The following RASGEF1C variants were observed in gnomAD, a reference collection of about 807,000 sequenced individuals.
RASGEF1C encodes the protein RasGEF domain family member 1C, also known as ras-GEF domain-containing family member 1C.
A neutral mutation model predicts 58.1 loss-of-function variants in RASGEF1C; 27 were observed. The ratio of observed to expected loss-of-function variants is 0.46; its 90% CI spans 0.34 to 0.64. The LOEUF is 0.64. RASGEF1C is among the 30% of genes least tolerant of loss of function. The probability of loss-of-function intolerance (pLI) is 0.01; values close to 1 mark genes in which losing one functional copy is unlikely to be tolerated. For missense variants in RASGEF1C, 502 were observed against 605.1 expected (o/e 0.83, Z 1.79); for synonymous variants, 243 against 246.3 (o/e 0.99, Z 0.13).
At chr5:180,116,506 A>C (rs1207890740) in intron 10 of RASGEF1C, among the ~76,000 whole-genome samples, 1 of 152,078 alleles carries the variant, frequency 6.6e-6, no homozygotes, top group Admixed American at 6.5e-5. Context: ...TTGTGGGCCT[A>C]GCCCAAGACC....
At chr5:180,203,256 C>A (rs1057458233) in intron 1 of RASGEF1C, among the ~76,000 whole-genome samples, 4 of 152,112 alleles carry the variant, frequency 2.6e-5, no homozygotes, top group Non-Finnish European at 5.9e-5. Flanking sequence ...GATTATGTTA[C>A]GTTGTTATAT....
At position 180,154,811 on chromosome 5, in the gene RASGEF1C, G is replaced by A. The variant is rs185469276; in HGVS notation, c.-6-16753C>T. On this transcript the variant is annotated intron_variant, in intron 1 of 13. Coordinates refer to ENST00000361132, the MANE Select transcript of RASGEF1C (RefSeq NM_175062.4). ...TTAGCCAGGATGGTCTCGATCTCCC[G>A]ACCTCGTGATCCACCCGCCTCAGCC... 4.6e-3 allele frequency among the ~76,000 whole-genome samples: 694 copies of A among 152,120 alleles called. 2 individuals are homozygous for A. The highest frequency in any genetic ancestry group is 0.01 in the Middle Eastern group (3 of 294).
At chr5:180,175,991 GA>G (rs1245409193) in intron 1 of RASGEF1C, among the ~76,000 whole-genome samples, 2 of 152,080 alleles carry the variant, frequency 1.3e-5, no homozygotes. Flanking sequence ...CCGTCTCGAA[GA>G]AAAAAGAAAG....
At chr5:180,204,684 A>G (rs1008718971) in intron 1 of RASGEF1C, among the ~76,000 whole-genome samples, 1 of 151,880 alleles carries the variant, frequency 6.6e-6, no homozygotes, top group Non-Finnish European at 1.5e-5. Flanking sequence ...TTCCCATCCT[A>G]AAGTCAGCAT....
intron 1 of RASGEF1C, among the ~76,000 whole-genome samples, chr5:180,169,873 G>A (rs966562641): frequency 8.5e-5 from 12 of 141,052 alleles, no homozygotes; most frequent in East Asian, 2.2e-4. Context: ...CTGCCTTCCC[G>A]CCCTGGGGCT....
At chr5:180,171,552 T>C (rs1767108523) in intron 1 of RASGEF1C, among the ~76,000 whole-genome samples, 1 of 152,034 alleles carries the variant, frequency 6.6e-6, no homozygotes, top group African/African-American at 2.4e-5. Flanking sequence ...TCCACAGCAC[T>C]CACACTCAGC....
rs1437485541 is a variant in RASGEF1C, at chr5:180,136,363, C to T, written c.438+15G>A. 15 of 1,550,482 alleles carry T rather than the reference C, an allele frequency of 9.7e-6. No individual in the cohort carries two copies. Among genetic ancestry groups the T allele is most frequent in the African/African-American group, 1.4e-5 (1 of 73,084 alleles). The stretch of plus-strand genomic sequence containing the variant: ...GAGGGACCCAGGGTGACGCGACCCC[C>T]GCCCAGCTGCCCACCTCGTCACAGG... On this transcript the variant is annotated intron_variant, in intron 4 of 13. Transcript: ENST00000361132.
In RASGEF1C at chr5:180,118,791, A is replaced by G. The variant is rs559248645; in HGVS notation, c.983T>C (p.Leu328Pro). 1 of 1,614,212 alleles carries G rather than the reference A, an allele frequency of 6.2e-7. No individual in the cohort carries two copies. The highest frequency in any genetic ancestry group is 1.7e-5 in the Admixed American group (1 of 60,032). The change falls in exon 9 of 14, where the codon CTC becomes CCC. Residue 328 changes from leucine to proline, a missense_variant. Transcript: ENST00000361132. ...CAGCCCAGCAGCCTCATTTACCTCG[A>G]GGATGAAAAACTTGGCCGTCCTCAC... ...AKVRTAKFFI[L>P]EHQMDPTGNF...
Position 180,156,288 on chromosome 5 carries a change from G to A in RASGEF1C, c.-6-18230C>T, listed in dbSNP as rs949070328. On this transcript the variant is annotated intron_variant, in intron 1 of 13. Coordinates refer to ENST00000361132, the MANE Select transcript of RASGEF1C (RefSeq NM_175062.4). This position sits in a 1 kb window ranked among gnomAD's most constrained non-coding sequence, Gnocchi z 4.9. ...CTGCTGGACGGAGGCTCCAGGAGGT[G>A]AGCGGATCAGTCTCCAGGCTGTGGT... 1.3e-5 allele frequency among the ~76,000 whole-genome samples: 2 copies of A among 152,294 alleles called. No individual in the cohort carries two copies. Among genetic ancestry groups the A allele is most frequent in the Non-Finnish European group, 2.9e-5 (2 of 68,026 alleles).
At chr5:180,208,161 T>G (rs1010757585) in intron 1 of RASGEF1C, among the ~76,000 whole-genome samples, 1 of 151,964 alleles carries the variant, frequency 6.6e-6, no homozygotes, top group Non-Finnish European at 1.5e-5. Flanking sequence ...GCGTTGCCAC[T>G]CCATGGTCCC....
At position 180,161,431 on chromosome 5, in the gene RASGEF1C, G is replaced by A. The variant is rs528556169; in HGVS notation, c.-6-23373C>T. The stretch of plus-strand genomic sequence containing the variant: ...AGCCCTGCGGCAGCCCCGGCGACAC[G>A]AGGAGCCACGGCAGCCAGGGGGGAA... On this transcript the variant is annotated intron_variant, in intron 1 of 13. Transcript: ENST00000361132. Among the ~76,000 whole-genome samples the A allele has an allele frequency of 5.9e-5, 9 of 152,328 alleles. No homozygotes were observed. The East Asian group carries it at 7.7e-4, about 13-fold the overall frequency.
rs114397923 is a variant in RASGEF1C at position 180,207,425 on chromosome 5, C to G, written c.-7+1603G>C. On this transcript the variant is annotated intron_variant, in intron 1 of 13. Transcript: ENST00000361132. Reference sequence around the variant, plus strand: ...GGGTCCCACGCAAGGAACCAAGGCCCCTTGGACAAATGGCTGACTCTGGAT... The same window carrying G: ...GGGTCCCACGCAAGGAACCAAGGCCGCTTGGACAAATGGCTGACTCTGGAT... 1.3e-3 allele frequency among the ~76,000 whole-genome samples: 194 copies of G among 152,352 alleles called. 1 individual carries two copies. The highest frequency in any genetic ancestry group is 4.5e-3 in the African/African-American group (186 of 41,582).
At chr5:180,150,258 T>C (rs1303669260) in intron 1 of RASGEF1C, among the ~76,000 whole-genome samples, 1 of 152,200 alleles carries the variant, frequency 6.6e-6, no homozygotes, top group Non-Finnish European at 1.5e-5. Flanking sequence ...TCTTTATTGA[T>C]AGTTCCATTT....
chr5:180,170,703 C>A (rs1767095744), intron 1 of RASGEF1C, among the ~76,000 whole-genome samples: 1 of 152,216 alleles, frequency 6.6e-6, no homozygotes, highest in Non-Finnish European at 1.5e-5. Context: ...CCCTTTACCC[C>A]AGTCCTGCAT....
At chr5:180,189,923 CAA>C (rs71001085) in intron 1 of RASGEF1C, among the ~76,000 whole-genome samples, 3 of 37,202 alleles carry the variant, frequency 8.1e-5, no homozygotes, top group Non-Finnish European at 1.4e-4. Flanking sequence ...AACTCCATCT[CAA>C]AAAAAAAAAA....
chr5:180,202,766 A>G (rs1180481215), intron 1 of RASGEF1C, among the ~76,000 whole-genome samples: 1 of 150,808 alleles, frequency 6.6e-6, no homozygotes, highest in Non-Finnish European at 1.5e-5. Flanking sequence ...GCAGTGGCAC[A>G]ATCTCGGCTC....
At chr5:180,110,393 T>C (rs938519223) in intron 12 of RASGEF1C, among the ~76,000 whole-genome samples, 1 of 7,114 alleles carries the variant, frequency 1.4e-4, no homozygotes, top group Non-Finnish European at 3.5e-4. Context: ...TCCTTCTCCC[T>C]TTTTTTTTTT....
chr5:180,129,444 C>T (rs953528521), intron 4 of RASGEF1C, among the ~76,000 whole-genome samples: 1 of 152,294 alleles, frequency 6.6e-6, no homozygotes. Flanking sequence ...GACTCCCAAC[C>T]CCGCCACCAG....
At chr5:180,149,300 A>C (rs188223954) in intron 1 of RASGEF1C, among the ~76,000 whole-genome samples, 3 of 150,302 alleles carry the variant, frequency 2.0e-5, no homozygotes, top group African/African-American at 4.9e-5. Context: ...GTTGGCCAGG[A>C]TGGTCTCAAT....
Sources: gnomAD v4.1 joint callset for allele counts (sites outside exome capture counted in the v4.1 genomes callset) on GRCh38, gnomAD v4.1.1 for gene constraint, Gnocchi (gnomAD v3.1) non-coding constraint, MANE v1.5 for transcripts, NCBI Gene and HGNC (gene_info 2026-07-23, HGNC 2026-07-21) for gene names.